The following TIAL1 variants were observed in gnomAD, a reference collection of about 807,000 sequenced individuals.
The protein encoded by TIAL1 is TIA1 cytotoxic granule associated RNA binding protein like 1.
In TIAL1, 7 loss-of-function variants were observed where a neutral mutation model predicts 59.7. The observed-to-expected ratio is 0.12, with a 90% confidence interval of 0.07 to 0.22. The LOEUF (loss-of-function observed/expected upper bound fraction) is 0.22. TIAL1 is among the 10% of genes least tolerant of loss of function. The pLI, the probability that TIAL1 is intolerant of heterozygous loss-of-function variation, is 1.00. For synonymous variants in TIAL1, 149 were observed against 146.3 expected, an observed-to-expected ratio of 1.02 and a Z score of -0.13; for missense variants, 225 against 462.5, an observed-to-expected ratio of 0.49 and a Z score of 4.71.
At chr10:119,588,074 G>T (rs960639157) in intron 2 of TIAL1, 78 bp downstream of exon 2, 1 of 817,884 alleles carries the variant, frequency 1.2e-6, no homozygotes, top group Non-Finnish European at 1.8e-6. Flanking sequence ...ATAACTTGAG[G>T]CTTACAATGA....
intron 2 of TIAL1, among the ~76,000 whole-genome samples, chr10:119,587,689 G>T (rs1450773296): frequency 6.6e-6 from 1 of 151,714 alleles, no homozygotes; most frequent in Non-Finnish European, 1.5e-5. Flanking sequence ...CCTAAAACAT[G>T]ACTAATTGGG....
chr10:119,587,619 G>T (rs902275717), intron 2 of TIAL1, among the ~76,000 whole-genome samples: 3 of 147,638 alleles, frequency 2.0e-5, no homozygotes, highest in Non-Finnish European at 4.5e-5. Flanking sequence ...TAGTACATAG[G>T]AAATAGTCCA....
At chr10:119,576,552 CTT>C in intron 11 of TIAL1, 57 bp downstream of exon 11, 1 of 1,580,268 alleles carries the variant, frequency 6.3e-7, no homozygotes, top group Admixed American at 1.9e-5. Context: ...GGAAAACACA[CTT>C]TTATTTATTT....
In TIAL1 at chr10:119,582,653, A is replaced by G. The variant is rs1163047562; in HGVS notation, c.130-96T>C. ...AAAAACATTACTGATAGCTGGGAAT[A>G]TACAAGGTGAGACTGCATAAGCTTA... On this transcript the variant is annotated intron_variant, in intron 2 of 11. Transcript: ENST00000436547. This position sits in a 1 kb window ranked among gnomAD's most constrained non-coding sequence, Gnocchi z 5.1. 2 of 1,559,866 alleles carry G rather than the reference A, an allele frequency of 1.3e-6. No homozygotes were observed.
Position 119,573,738 on chromosome 10 carries a change from A to C in TIAL1, c.*1927T>G, listed in dbSNP as rs1182579566. ...TAAAATATAAATTAACTTTTCCAAA[A>C]ACATTCCTCAAAGATACTATAAACA... On this transcript the variant is annotated 3_prime_UTR_variant, in exon 12 of 12. Coordinates refer to ENST00000436547, the MANE Select transcript of TIAL1 (RefSeq NM_003252.4). 1.3e-5 allele frequency: 2 copies of C among 152,418 alleles called. No individual in the cohort carries two copies. The highest frequency in any genetic ancestry group is 2.4e-5 in the African/African-American group (1 of 41,458). 9.4% of individuals were successfully genotyped at this position (152,418 alleles called of 1,614,324 possible). A position where few individuals can be genotyped will look rare whatever the true frequency, so the allele number is the denominator to read the frequency against.
At position 119,575,723 on chromosome 10, in the gene TIAL1, G is replaced by T; in HGVS notation, c.1070C>A (p.Pro357His). The T allele has an allele frequency of 6.2e-7, 1 of 1,611,292 alleles. No homozygotes were observed. The highest frequency in any genetic ancestry group is 8.5e-7 in the Non-Finnish European group (1 of 1,178,832). The change falls in exon 12 of 12, where the codon CCT (proline) becomes CAT (histidine). Residue 357 changes from proline to histidine, a missense_variant. Transcript: ENST00000436547. ...GGCTTGGTTAGGAGGAGGTATTACA[G>T]GGGGAGGAGCTTGTCCTTGGGGAGG... ...AQPPQGQAPP[P>H]VIPPPNQAGY...
In TIAL1 at chr10:119,575,914, CAAATAG is replaced by C; in HGVS notation, c.1002-129_1002-124del. The C allele has an allele frequency of 3.4e-6, 3 of 891,760 alleles. No individual in the cohort carries two copies. The Admixed American group carries it at 1.1e-4, about 32-fold the overall frequency. 55.2% of individuals were successfully genotyped at this position (891,760 alleles called of 1,614,324 possible). A position where few individuals can be genotyped will look rare whatever the true frequency, so the allele number is the denominator to read the frequency against. Reference sequence around the variant, plus strand: ...AAACCAGAAATCAACACACCTACAACAAATAGAAAGATCAAAGAAATAAATGATATA... The same window carrying C: ...AAACCAGAAATCAACACACCTACAACAAAGATCAAAGAAATAAATGATATA... On this transcript the variant is annotated intron_variant, in intron 11 of 11. Transcript: ENST00000436547.
chr10:119,577,415 A>T (rs762841448), intron 9 of TIAL1, 36 bp downstream of exon 9: 3 of 1,561,448 alleles, frequency 1.9e-6, no homozygotes, highest in Non-Finnish European at 2.6e-6. Context: ...TGAATCAAAT[A>T]TAAGAGTAAT....
At chr10:119,595,492 T>C (rs918886367) in intron 1 of TIAL1, among the ~76,000 whole-genome samples, 1 of 148,788 alleles carries the variant, frequency 6.7e-6, no homozygotes, top group African/African-American at 2.5e-5. Flanking sequence ...CAGAAAGGAA[T>C]GCAAATGCTG....
Position 119,574,051 on chromosome 10 carries a change from A to G in TIAL1, c.*1614T>C, listed in dbSNP as rs1160050117. 6.6e-6 allele frequency: 1 copy of G among 152,662 alleles called. No individual in the cohort carries two copies. Among genetic ancestry groups the G allele is most frequent in the East Asian group, 1.9e-4 (1 of 5,200 alleles). The allele number at this position is 152,662 out of a possible 1,614,324, so 9.5% of individuals were successfully genotyped here. On this transcript the variant is annotated 3_prime_UTR_variant, in exon 12 of 12. Coordinates refer to ENST00000436547, the MANE Select transcript of TIAL1 (RefSeq NM_003252.4). ...TCGCATCTTACTATGTAACTGTAAA[A>G]GGCTATTTTCTCTTTGGTGCCCAGG...
At chr10:119,576,576 T>C (rs916941456) in intron 11 of TIAL1, 35 bp downstream of exon 11, 3 of 1,606,412 alleles carry the variant, frequency 1.9e-6, no homozygotes, top group Non-Finnish European at 2.5e-6. Flanking sequence ...GTCAGAACCA[T>C]ACGTTTCTAT....
rs1156296077 is a variant in TIAL1, at chr10:119,582,118, C to T, written c.283+51G>A. 1.3e-6 allele frequency: 2 copies of T among 1,597,960 alleles called. No individual in the cohort carries two copies. Among genetic ancestry groups the T allele is most frequent in the Non-Finnish European group, 1.7e-6 (2 of 1,172,868 alleles). ...AAACCTATTTAAGCTGGTAATGCCT[C>T]CTGGATAATTTCAGAACTCTTCCAC... On this transcript the variant is annotated intron_variant, in intron 4 of 11. Transcript: ENST00000436547. The surrounding 1 kb of genome is among the most constrained non-coding windows in gnomAD (Gnocchi z 5.1).
intron 2 of TIAL1, among the ~76,000 whole-genome samples, chr10:119,585,058 G>A (rs1845489758): frequency 6.9e-6 from 1 of 145,508 alleles, no homozygotes; most frequent in South Asian, 2.2e-4. Flanking sequence ...AGGAGGCCAA[G>A]GCTGCAGTGA....
At chr10:119,591,405 C>G (rs1251582813) in intron 1 of TIAL1, among the ~76,000 whole-genome samples, 1 of 147,784 alleles carries the variant, frequency 6.8e-6, no homozygotes, top group Non-Finnish European at 1.5e-5. Flanking sequence ...GAAACTCCAT[C>G]TGAAAAAAAA....
At chr10:119,575,994 C>T (rs951115931) in intron 11 of TIAL1, among the ~76,000 whole-genome samples, 6 of 151,980 alleles carry the variant, frequency 3.9e-5, no homozygotes, top group Non-Finnish European at 1.5e-5. Context: ...TTTAAGATAA[C>T]CACAACTTAA....
chr10:119,579,065 A>C, intron 6 of TIAL1: 1 of 527,176 alleles, frequency 1.9e-6, no homozygotes. Flanking sequence ...ACTTCAATAA[A>C]ATGTAGATGA....
At chr10:119,595,150 C>T (rs930356233) in intron 1 of TIAL1, among the ~76,000 whole-genome samples, 4 of 152,196 alleles carry the variant, frequency 2.6e-5, no homozygotes, top group Non-Finnish European at 1.5e-5. Context: ...TCTATCAATA[C>T]TGAACATCTA....
chr10:119,592,783 ACACACT>A (rs1326568495), intron 1 of TIAL1, among the ~76,000 whole-genome samples: 4 of 152,154 alleles, frequency 2.6e-5, no homozygotes, highest in East Asian at 1.9e-4. Flanking sequence ...ACACACACAC[ACACACT>A]CACTCTCTCT....
rs926021291 is a variant in TIAL1 at position 119,595,531 on chromosome 10, A to G, written c.32+903T>C. ...CATCACTCTTCATTGGAAAGGAAGG[A>G]AACCAGAATTAAGTGGTTGGAAGAT... On this transcript the variant is annotated intron_variant, in intron 1 of 11. Coordinates refer to ENST00000436547, the MANE Select transcript of TIAL1 (RefSeq NM_003252.4). 2.0e-5 allele frequency among the ~76,000 whole-genome samples: 3 copies of G among 152,198 alleles called. No individual in the cohort carries two copies. In the East Asian group the frequency reaches 5.8e-4, roughly 29 times the overall value.
Sources: gnomAD v4.1 joint callset for allele counts (sites outside exome capture counted in the v4.1 genomes callset) on GRCh38, gnomAD v4.1.1 for gene constraint, Gnocchi (gnomAD v3.1) non-coding constraint, MANE v1.5 for transcripts, NCBI Gene and HGNC (gene_info 2026-07-23, HGNC 2026-07-21) for gene names.